The following ADCY2 variants were observed in gnomAD, a reference collection of about 807,000 sequenced individuals.
ADCY2 encodes the protein adenylate cyclase 2, also known as adenylate cyclase type 2.
Under a neutral mutation model 125.2 loss-of-function variants are expected in ADCY2, and 31 were observed. That is an observed-to-expected ratio of 0.25 (90% confidence interval 0.19 to 0.33). ADCY2 has a LOEUF of 0.33. ADCY2 is among the 10% of genes least tolerant of loss of function. The pLI is 1.00. For missense variants in ADCY2, 904 were observed against 1,418.2 expected (o/e 0.64, Z 5.82); for synonymous variants, 512 against 548.4 (o/e 0.93, Z 0.93).
chr5:7,557,027 A>G (rs961028855), intron 3 of ADCY2, among the ~76,000 whole-genome samples: 12 of 152,018 alleles, frequency 7.9e-5, no homozygotes, highest in Admixed American at 7.9e-4. Flanking sequence ...TATTTGTGCA[A>G]AGATGCCATT....
At chr5:7,738,961 A>G (rs772824718) in intron 14 of ADCY2, among the ~76,000 whole-genome samples, 1 of 151,914 alleles carries the variant, frequency 6.6e-6, no homozygotes, top group African/African-American at 2.4e-5. Context: ...AGACAAATCT[A>G]CGTCAGAATT....
intron 4 of ADCY2, among the ~76,000 whole-genome samples, chr5:7,639,725 C>G (rs559386775): frequency 6.6e-6 from 1 of 152,138 alleles, no homozygotes; most frequent in East Asian, 1.9e-4. Context: ...TTATGAGGCT[C>G]ACTTATATCA....
At chr5:7,695,911 G>T (rs781423182) in intron 6 of ADCY2, 48 bp downstream of exon 6, 3 of 1,376,590 alleles carry the variant, frequency 2.2e-6, no homozygotes, top group East Asian at 4.9e-5. Context: ...TAAACTCTTG[G>T]TTTCGTTTTT....
At chr5:7,719,864 A>G (rs1285934356) in intron 12 of ADCY2, among the ~76,000 whole-genome samples, 2 of 152,200 alleles carry the variant, frequency 1.3e-5, no homozygotes, top group Non-Finnish European at 1.5e-5. Context: ...TAACAATAAG[A>G]AAGTGGTCTT....
At chr5:7,489,638 G>C (rs1290564335) in intron 2 of ADCY2, among the ~76,000 whole-genome samples, 2 of 152,138 alleles carry the variant, frequency 1.3e-5, no homozygotes, top group Non-Finnish European at 2.9e-5. Flanking sequence ...GGCCTCCCCA[G>C]CCATGTCGAA....
chr5:7,401,320 G>A (rs1268158572), intron 1 of ADCY2, among the ~76,000 whole-genome samples: 1 of 152,152 alleles, frequency 6.6e-6, no homozygotes, highest in African/African-American at 2.4e-5. Context: ...ACTGAGACCC[G>A]GAGAAGTGAA....
intron 2 of ADCY2, among the ~76,000 whole-genome samples, chr5:7,476,311 A>G (rs192820136): frequency 2.8e-4 from 42 of 152,092 alleles, no homozygotes; most frequent in Admixed American, 2.6e-3. Flanking sequence ...GAGAAGACCC[A>G]GCCCACAGGC....
At chr5:7,780,262 G>A (rs1743875243) in intron 18 of ADCY2, among the ~76,000 whole-genome samples, 1 of 152,182 alleles carries the variant, frequency 6.6e-6, no homozygotes, top group African/African-American at 2.4e-5. Flanking sequence ...TTGTCTTCTG[G>A]CTCTGTGATT....
intron 2 of ADCY2, among the ~76,000 whole-genome samples, chr5:7,470,257 T>A (rs1187500025): frequency 6.6e-6 from 1 of 151,762 alleles, no homozygotes; most frequent in African/African-American, 2.4e-5. Flanking sequence ...TAGAATTTCA[T>A]CAAATGTGAC....
intron 23 of ADCY2, among the ~76,000 whole-genome samples, chr5:7,819,148 C>T (rs767330779): frequency 5.9e-5 from 9 of 152,108 alleles, no homozygotes; most frequent in South Asian, 2.1e-4. Context: ...ATTCTGGCCA[C>T]GCTGGCAGCT....
chr5:7,542,907 A>G (rs942347046), intron 3 of ADCY2, among the ~76,000 whole-genome samples: 2 of 152,176 alleles, frequency 1.3e-5, no homozygotes, highest in African/African-American at 4.8e-5. Flanking sequence ...AGGCACATCC[A>G]CTTTAAACCA....
At chr5:7,556,302 A>G (rs940825565) in intron 3 of ADCY2, among the ~76,000 whole-genome samples, 3 of 152,228 alleles carry the variant, frequency 2.0e-5, no homozygotes, top group Non-Finnish European at 1.5e-5. Flanking sequence ...GAACTGCTCT[A>G]CAGGAATAAA....
At chr5:7,775,526 G>C (rs752305848) in intron 18 of ADCY2, among the ~76,000 whole-genome samples, 2 of 151,752 alleles carry the variant, frequency 1.3e-5, no homozygotes, top group Non-Finnish European at 2.9e-5. Flanking sequence ...GAGTAGCTAG[G>C]ATTGCAGGCA....
chr5:7,540,988 T>TA (rs1734976937), intron 3 of ADCY2, among the ~76,000 whole-genome samples: 2 of 152,192 alleles, frequency 1.3e-5, no homozygotes, highest in Non-Finnish European at 2.9e-5. Flanking sequence ...AACGTTCTCC[T>TA]AATGCTGTGC....
intron 2 of ADCY2, among the ~76,000 whole-genome samples, chr5:7,467,206 G>T (rs1476665104): frequency 6.6e-6 from 1 of 152,174 alleles, no homozygotes; most frequent in African/African-American, 2.4e-5. Flanking sequence ...TAACCGCTCA[G>T]CTATCTTGCC....
chr5:7,760,338 A>T (rs1743154108), intron 16 of ADCY2, among the ~76,000 whole-genome samples: 2 of 152,224 alleles, frequency 1.3e-5, no homozygotes, highest in Admixed American at 1.3e-4. Flanking sequence ...TGTGAGAGAG[A>T]CTGGGTCGGA....
chr5:7,641,063 T>C (rs1355831526), intron 4 of ADCY2, among the ~76,000 whole-genome samples: 1 of 152,208 alleles, frequency 6.6e-6, no homozygotes, highest in Non-Finnish European at 1.5e-5. Flanking sequence ...TGCCTGCCAC[T>C]CTATGCCTTT....
At chr5:7,593,384 G>C (rs918693601) in intron 3 of ADCY2, among the ~76,000 whole-genome samples, 2 of 152,182 alleles carry the variant, frequency 1.3e-5, no homozygotes, top group African/African-American at 4.8e-5. Context: ...TAATTAAAGA[G>C]GTTGTTGGCT....
In ADCY2 at chr5:7,709,653, A is replaced by C. The variant is rs1452430825; in HGVS notation, c.1578+266A>C. ...TATTTACAACTGATAGTAGCAATTA[A>C]ATACAACTATTTATTAATTGAGGGG... On this transcript the variant is annotated intron_variant, in intron 10 of 24. Coordinates refer to ENST00000338316, the MANE Select transcript of ADCY2 (RefSeq NM_020546.3). The surrounding 1 kb of genome is among the most constrained non-coding windows in gnomAD (Gnocchi z 4.4). 6.6e-6 allele frequency among the ~76,000 whole-genome samples: 1 copy of C among 152,218 alleles called. No homozygotes were observed. The highest frequency in any genetic ancestry group is 1.5e-5 in the Non-Finnish European group (1 of 68,038).
Sources: gnomAD v4.1 joint callset for allele counts (sites outside exome capture counted in the v4.1 genomes callset) on GRCh38, gnomAD v4.1.1 for gene constraint, Gnocchi (gnomAD v3.1) non-coding constraint, MANE v1.5 for transcripts, NCBI Gene and HGNC (gene_info 2026-07-23, HGNC 2026-07-21) for gene names.